The following SLC22A15 variants were observed in gnomAD, a reference collection of about 807,000 sequenced individuals.
SLC22A15 encodes flipt 1.
In SLC22A15, 45 loss-of-function variants were observed where a neutral mutation model predicts 62.7. That is an observed-to-expected ratio of 0.72 (90% confidence interval 0.56 to 0.92). SLC22A15 has a LOEUF of 0.92. SLC22A15 is among the 40% of genes least tolerant of loss of function. The probability of loss-of-function intolerance (pLI) is 0.00; values close to 1 mark genes in which losing one functional copy is unlikely to be tolerated. For missense variants in SLC22A15, 622 were observed against 665.6 expected (o/e 0.93, Z 0.72); for synonymous variants, 264 against 267.0 (o/e 0.99, Z 0.11).
rs374961596 is a variant in SLC22A15, at chr1:116,064,397, G to A, written c.1293-39G>A. On this transcript the variant is annotated intron_variant, in intron 9 of 11. Transcript: ENST00000369503. ...CCCCCAAGGGTCTCTTAATTCCTCC[G>A]CTAGAACTTACTGATGTATTTTTAC... The A allele has an allele frequency of 2.6e-5, 39 of 1,512,656 alleles. 1 individual carries two copies. The highest frequency in any genetic ancestry group is 1.7e-4 in the Middle Eastern group (1 of 5,860). 93.7% of individuals were successfully genotyped at this position (1,512,656 alleles called of 1,614,324 possible). A position where few individuals can be genotyped will look rare whatever the true frequency, so the allele number is the denominator to read the frequency against.
chr1:116,057,276 C>T (rs1348098179), intron 8 of SLC22A15, among the ~76,000 whole-genome samples: 2 of 152,000 alleles, frequency 1.3e-5, no homozygotes, highest in East Asian at 3.9e-4. Context: ...CAAAAGAAGA[C>T]ATTTATGTAG....
At chr1:116,012,783 G>C (rs1219684449) in intron 2 of SLC22A15, among the ~76,000 whole-genome samples, 1 of 152,136 alleles carries the variant, frequency 6.6e-6, no homozygotes, top group African/African-American at 2.4e-5. Flanking sequence ...TTATGATGGT[G>C]CAAAAGTGAA....
chr1:116,011,797 G>T (rs1570724554), intron 2 of SLC22A15, among the ~76,000 whole-genome samples: 6 of 152,284 alleles, frequency 3.9e-5, no homozygotes, highest in Admixed American at 3.9e-4. Flanking sequence ...TGCAAGTGGG[G>T]AGTGGGGAGA....
intron 1 of SLC22A15, among the ~76,000 whole-genome samples, chr1:115,987,123 G>C (rs1654909033): frequency 6.6e-6 from 1 of 151,958 alleles, no homozygotes; most frequent in South Asian, 2.1e-4. Context: ...AGTTTCATGA[G>C]GAGTTTCAGG....
At chr1:116,052,407 G>A (rs541997421) in intron 8 of SLC22A15, among the ~76,000 whole-genome samples, 1 of 152,328 alleles carries the variant, frequency 6.6e-6, no homozygotes, top group Admixed American at 6.5e-5. Flanking sequence ...GCTCGAACTG[G>A]GTGGAGCCCA....
intron 8 of SLC22A15, among the ~76,000 whole-genome samples, chr1:116,048,791 T>TA (rs1487786616): frequency 6.6e-6 from 1 of 152,192 alleles, no homozygotes; most frequent in Non-Finnish European, 1.5e-5. Context: ...CTGCTCCACT[T>TA]AAAAGATACA....
At chr1:115,982,994 G>C (rs1251602395) in intron 1 of SLC22A15, among the ~76,000 whole-genome samples, 1 of 152,142 alleles carries the variant, frequency 6.6e-6, no homozygotes, top group Non-Finnish European at 1.5e-5. Context: ...AGCCTGCATG[G>C]TAGATATATG....
intron 2 of SLC22A15, among the ~76,000 whole-genome samples, chr1:116,003,395 A>G (rs932678936): frequency 6.6e-6 from 1 of 152,192 alleles, no homozygotes; most frequent in Admixed American, 6.5e-5. Context: ...GCCCAGCACC[A>G]GGACTTGCCC....
Position 116,020,703 on chromosome 1 carries a change from A to G in SLC22A15, c.434-18A>G. On this transcript the variant is annotated intron_variant, in intron 3 of 11. Coordinates refer to ENST00000369503, the MANE Select transcript of SLC22A15 (RefSeq NM_018420.3). ...CTATTTTGCCTCTGGATTATTGAAT[A>G]TTGTTTTCTCTTTCTAGGTTTTGCT... 3.8e-6 allele frequency: 6 copies of G among 1,593,648 alleles called. No individual in the cohort carries two copies. The highest frequency in any genetic ancestry group is 4.3e-6 in the Non-Finnish European group (5 of 1,167,476).
At chr1:115,984,341 C>T (rs928064885) in intron 1 of SLC22A15, among the ~76,000 whole-genome samples, 1 of 152,192 alleles carries the variant, frequency 6.6e-6, no homozygotes, top group Non-Finnish European at 1.5e-5. Flanking sequence ...ATCATATTAA[C>T]AACCTTTTCC....
At chr1:116,064,972 C>T (rs1312309964) in intron 10 of SLC22A15, among the ~76,000 whole-genome samples, 3 of 152,094 alleles carry the variant, frequency 2.0e-5, no homozygotes, top group Non-Finnish European at 4.4e-5. Context: ...TGGAAAATAA[C>T]ATTAGAGGAG....
At chr1:116,000,574 A>T (rs1239060232) in intron 2 of SLC22A15, among the ~76,000 whole-genome samples, 5 of 150,552 alleles carry the variant, frequency 3.3e-5, no homozygotes, top group Non-Finnish European at 7.4e-5. Context: ...TTGTCTGTGT[A>T]CTTAACTATA....
At chr1:116,029,066 A>G (rs12029999) in intron 5 of SLC22A15, among the ~76,000 whole-genome samples, 2 of 152,290 alleles carry the variant, frequency 1.3e-5, no homozygotes, top group East Asian at 1.9e-4. Context: ...TCTTTGCTCC[A>G]TGATAACATT....
At chr1:116,037,104 A>G (rs542032237) in intron 7 of SLC22A15, among the ~76,000 whole-genome samples, 199 bp from the exon 8 acceptor site, 10 of 152,344 alleles carry the variant, frequency 6.6e-5, no homozygotes, top group Middle Eastern at 3.4e-3. Context: ...CCTGCCATCC[A>G]GCAACTTTCC....
intron 2 of SLC22A15, chr1:116,014,045 C>T (rs996804989): frequency 1.3e-5 from 2 of 152,204 alleles, no homozygotes; most frequent in Non-Finnish European, 2.9e-5. Flanking sequence ...TACGCCAGTA[C>T]TTTATCCCTT....
intron 1 of SLC22A15, among the ~76,000 whole-genome samples, chr1:115,985,267 A>G (rs1173518166): frequency 6.6e-6 from 1 of 152,218 alleles, no homozygotes. Flanking sequence ...TGTAGTTACC[A>G]ACAATATTCA....
intron 1 of SLC22A15, among the ~76,000 whole-genome samples, chr1:115,981,807 T>C (rs936055303): frequency 6.6e-6 from 1 of 152,204 alleles, no homozygotes; most frequent in Non-Finnish European, 1.5e-5. Flanking sequence ...GTTTGACTTG[T>C]GCCTTGACAG....
chr1:116,055,820 A>G (rs1016662106), intron 8 of SLC22A15, among the ~76,000 whole-genome samples: 3 of 144,170 alleles, frequency 2.1e-5, no homozygotes, highest in Non-Finnish European at 4.6e-5. Context: ...GATTATCTCA[A>G]TAGATGCAGA....
chr1:116,022,196 C>T (rs1656869373), intron 4 of SLC22A15, among the ~76,000 whole-genome samples: 1 of 152,184 alleles, frequency 6.6e-6, no homozygotes, highest in South Asian at 2.1e-4. Flanking sequence ...TTAGGATTCA[C>T]CTTGTCTGTA....
Sources: allele counts gnomAD v4.1 joint callset (sites outside exome capture counted in the v4.1 genomes callset), GRCh38; gene constraint gnomAD v4.1.1; transcripts MANE v1.5; gene names NCBI Gene and HGNC (gene_info 2026-07-23, HGNC 2026-07-21).